Variants in KCNU1 observed in about 807,000 individuals in gnomAD.
The protein encoded by KCNU1 is potassium channel subfamily U member 1.
KCNU1 carries 93 observed loss-of-function variants against 126.8 expected under a neutral mutation model. The ratio of observed to expected loss-of-function variants is 0.73; its 90% CI spans 0.62 to 0.87. The LOEUF is 0.87. Ranked by LOEUF, KCNU1 falls within the 40% of genes least tolerant of loss-of-function variation. The pLI, the probability that KCNU1 is intolerant of heterozygous loss-of-function variation, is 0.00. For missense variants in KCNU1, 1,330 were observed against 1,367.1 expected (o/e 0.97, Z 0.43); for synonymous variants, 523 against 494.2 (o/e 1.06, Z -0.77).
intron 10 of KCNU1, among the ~76,000 whole-genome samples, chr8:36,831,495 T>C (rs1298637652): frequency 6.6e-6 from 1 of 152,172 alleles, no homozygotes; most frequent in African/African-American, 2.4e-5. Context: ...GGATTTGCAT[T>C]TCTCTGATGG....
At chr8:36,788,085 G>A (rs904301376) in intron 2 of KCNU1, among the ~76,000 whole-genome samples, 2 of 151,868 alleles carry the variant, frequency 1.3e-5, no homozygotes, top group Admixed American at 1.3e-4. Flanking sequence ...GATTTCAATA[G>A]ACTCTTTATT....
At chr8:36,908,801 A>G (rs183380761) in intron 20 of KCNU1, among the ~76,000 whole-genome samples, 1 of 152,192 alleles carries the variant, frequency 6.6e-6, no homozygotes, top group East Asian at 1.9e-4. Context: ...TTGACCCATA[A>G]AAAGGTAAAT....
In KCNU1 at chr8:36,784,378, G is replaced by A; in HGVS notation, c.-33G>A. ...CCAGGCGACCACGGCGTCATCAAAT[G>A]ACCTGGCAATTCCGTCTACTGATGT... On this transcript the variant is annotated 5_prime_UTR_variant, in exon 1 of 27. The change abolishes an upstream ATG in the 5' untranslated region. Coordinates refer to ENST00000399881, the MANE Select transcript of KCNU1 (RefSeq NM_001031836.3). 2 of 1,561,718 alleles carry A rather than the reference G, an allele frequency of 1.3e-6. No individual in the cohort carries two copies. The highest frequency in any genetic ancestry group is 1.7e-6 in the Non-Finnish European group (2 of 1,143,528).
intron 3 of KCNU1, among the ~76,000 whole-genome samples, chr8:36,804,312 G>C (rs1237245385): frequency 6.6e-6 from 1 of 152,120 alleles, no homozygotes; most frequent in Admixed American, 6.5e-5. Context: ...TCCACTGCTA[G>C]GGGTCAGGGT....
At chr8:36,817,360 G>A (rs557835795) in intron 9 of KCNU1, among the ~76,000 whole-genome samples, 7 of 151,958 alleles carry the variant, frequency 4.6e-5, no homozygotes, top group South Asian at 2.1e-4. Flanking sequence ...TTAGCTGGGC[G>A]TGGTGGCGCA....
At chr8:36,834,581 C>A (rs1477701181) in intron 11 of KCNU1, among the ~76,000 whole-genome samples, 2 of 152,220 alleles carry the variant, frequency 1.3e-5, no homozygotes, top group Admixed American at 1.3e-4. Context: ...TGTGTCCTAG[C>A]CCATCAGCTG....
chr8:36,845,125 G>C (rs1805095391), intron 16 of KCNU1, among the ~76,000 whole-genome samples: 1 of 152,166 alleles, frequency 6.6e-6, no homozygotes. Flanking sequence ...GTGAATAGAA[G>C]AAACTTTTGA....
chr8:36,895,634 A>G (rs1420306791), intron 19 of KCNU1, among the ~76,000 whole-genome samples: 1 of 152,066 alleles, frequency 6.6e-6, no homozygotes, highest in African/African-American at 2.4e-5. Context: ...TATACTTCCC[A>G]TGCTGTCAAA....
intron 19 of KCNU1, among the ~76,000 whole-genome samples, chr8:36,887,449 T>TC (rs1232615316): frequency 6.7e-6 from 1 of 150,282 alleles, no homozygotes; most frequent in African/African-American, 2.4e-5. Flanking sequence ...TTTGTTTTTT[T>TC]TTGTTTTTTT....
chr8:36,927,861 T>C (rs998988239), intron 24 of KCNU1, among the ~76,000 whole-genome samples: 1 of 151,756 alleles, frequency 6.6e-6, no homozygotes, highest in Non-Finnish European at 1.5e-5. Flanking sequence ...TCAAGTGCCC[T>C]TCAACTTGCA....
chr8:36,915,361 C>T (rs1183180977), intron 22 of KCNU1, among the ~76,000 whole-genome samples: 1 of 152,208 alleles, frequency 6.6e-6, no homozygotes, highest in East Asian at 1.9e-4. Flanking sequence ...CCATTATTTA[C>T]AAGCCTTGTG....
chr8:36,843,226 G>A lies in KCNU1; in HGVS notation c.1703+2223G>A, dbSNP rs111918902. ...ATATTTATTTAGCAACTAATCTCAC[G>A]TAGATTTAAGAGGCCCTGTTTACTA... On this transcript the variant is annotated intron_variant, in intron 16 of 26. Transcript: ENST00000399881. Among the ~76,000 whole-genome samples the A allele has an allele frequency of 2.5e-3, 385 of 152,228 alleles. 11 individuals are homozygous for A. Among genetic ancestry groups the A allele is most frequent in the African/African-American group, 8.8e-3 (367 of 41,556 alleles).
rs111545105 is a variant in KCNU1, at chr8:36,875,746, C to T, written c.2009+11225C>T. 2.1e-3 allele frequency among the ~76,000 whole-genome samples: 327 copies of T among 152,134 alleles called. 13 individuals are homozygous for T. Among genetic ancestry groups the T allele is most frequent in the African/African-American group, 7.4e-3 (308 of 41,506 alleles). Reference sequence around the variant, plus strand: ...ATAATATTTTTATGAAAAATATTTTCGTGCAGATTAGCTAGCTTTGCTTCA... The same window carrying T: ...ATAATATTTTTATGAAAAATATTTTTGTGCAGATTAGCTAGCTTTGCTTCA... On this transcript the variant is annotated intron_variant, in intron 19 of 26. Transcript: ENST00000399881.
At chr8:36,854,877 C>A (rs1805477376) in intron 18 of KCNU1, among the ~76,000 whole-genome samples, 1 of 151,994 alleles carries the variant, frequency 6.6e-6, no homozygotes, top group South Asian at 2.1e-4. Flanking sequence ...GTAGACTTTC[C>A]CAAAGTCTAT....
chr8:36,926,157 T>C (rs1022129003), intron 24 of KCNU1, among the ~76,000 whole-genome samples: 3 of 152,168 alleles, frequency 2.0e-5, no homozygotes, highest in Non-Finnish European at 1.5e-5. Context: ...CTGGTTTAAT[T>C]ATCCTGTCAA....
intron 19 of KCNU1, among the ~76,000 whole-genome samples, chr8:36,865,953 C>A (rs574458571): frequency 6.6e-6 from 1 of 151,902 alleles, no homozygotes; most frequent in East Asian, 1.9e-4. Flanking sequence ...TGCACGATAT[C>A]GCTTATATGT....
At chr8:36,815,175 A>T (rs543666594) in intron 8 of KCNU1, among the ~76,000 whole-genome samples, 4 of 152,230 alleles carry the variant, frequency 2.6e-5, no homozygotes, top group Admixed American at 2.6e-4. Context: ...TACTAAAAAT[A>T]TAAAAATCAG....
intron 26 of KCNU1, among the ~76,000 whole-genome samples, chr8:36,934,702 C>T (rs1808802330): frequency 6.6e-6 from 1 of 151,956 alleles, no homozygotes. Flanking sequence ...TTCAATGGTG[C>T]CTTGAGATCT....
At chr8:36,833,451 T>C (rs1804628786) in intron 10 of KCNU1, 103 bp from the exon 11 acceptor site, 2 of 647,074 alleles carry the variant, frequency 3.1e-6, no homozygotes, top group Admixed American at 2.4e-5. Flanking sequence ...TTCATATCAC[T>C]ATGAGGGATT....
Sources: allele counts gnomAD v4.1 joint callset (sites outside exome capture counted in the v4.1 genomes callset), GRCh38; gene constraint gnomAD v4.1.1; transcripts MANE v1.5; gene names NCBI Gene and HGNC (gene_info 2026-07-23, HGNC 2026-07-21).